Variants in ADAMTS9 observed in about 807,000 individuals in gnomAD.
ADAMTS9 encodes the protein A disintegrin and metalloproteinase with thrombospondin motifs 9.
A neutral mutation model predicts 257.1 loss-of-function variants in ADAMTS9; 107 were observed. The ratio of observed to expected loss-of-function variants is 0.42; its 90% CI spans 0.36 to 0.49. The LOEUF (loss-of-function observed/expected upper bound fraction) is 0.49, where lower values mean the gene tolerates loss of function less well. ADAMTS9 is among the 20% of genes least tolerant of loss of function. The pLI is 0.03. For missense variants in ADAMTS9, 2,353 were observed against 2,469.1 expected (o/e 0.95, Z 1.00); for synonymous variants, 982 against 880.9 (o/e 1.11, Z -2.03).
intron 8 of ADAMTS9, among the ~76,000 whole-genome samples, chr3:64,651,543 G>A (rs1379356678): frequency 1.3e-5 from 2 of 152,186 alleles, no homozygotes; most frequent in Non-Finnish European, 2.9e-5. Flanking sequence ...GAATTTGGCA[G>A]CTTATGATAA....
At chr3:64,590,699 T>C (rs1265063790) in intron 28 of ADAMTS9, among the ~76,000 whole-genome samples, 3 of 152,138 alleles carry the variant, frequency 2.0e-5, no homozygotes, top group African/African-American at 7.2e-5. Context: ...ATTCATAAGT[T>C]AGCCAGGCAG....
chr3:64,528,427 T>A (rs1004217236), intron 38 of ADAMTS9, among the ~76,000 whole-genome samples: 2 of 152,134 alleles, frequency 1.3e-5, no homozygotes, highest in African/African-American at 4.8e-5. Context: ...GCCTCCTTTC[T>A]GTCTGTCTGT....
intron 4 of ADAMTS9, among the ~76,000 whole-genome samples, chr3:64,658,049 A>T (rs1238714596): frequency 1.3e-5 from 2 of 152,156 alleles, no homozygotes; most frequent in African/African-American, 4.8e-5. Context: ...ATACTACTGA[A>T]TATCCACAAC....
In ADAMTS9 at chr3:64,522,275, A is replaced by G. The variant is rs765232311; in HGVS notation, c.5719-15T>C. On this transcript the variant is annotated splice_polypyrimidine_tract_variant and intron_variant, in intron 38 of 39. Coordinates refer to ENST00000498707, the MANE Select transcript of ADAMTS9 (RefSeq NM_182920.2). ...CGGGTACCATCCTGCAAGGAGATGC[A>G]TCATGTTAGCCTGCCTGCTTGGTTA... The G allele has an allele frequency of 6.2e-7, 1 of 1,612,520 alleles. No individual in the cohort carries two copies. Among genetic ancestry groups the G allele is most frequent in the South Asian group, 1.1e-5 (1 of 91,048 alleles).
In ADAMTS9 at chr3:64,578,019, C is replaced by T. The variant is rs113833507; in HGVS notation, c.4357-9484G>A. On this transcript the variant is annotated intron_variant, in intron 28 of 39. Transcript: ENST00000498707. ...TATCCTGAAAATTTTATAACATTTT[C>T]GGGAAGCAGCTTATGTAATTAATTT... Among the ~76,000 whole-genome samples, 338 of 152,248 alleles carry T rather than the reference C, an allele frequency of 2.2e-3. 1 individual carries two copies. Among genetic ancestry groups the T allele is most frequent in the Non-Finnish European group, 3.9e-3 (264 of 68,000 alleles).
chr3:64,614,703 G>T (rs1278646012), intron 21 of ADAMTS9, among the ~76,000 whole-genome samples: 1 of 151,966 alleles, frequency 6.6e-6, no homozygotes, highest in East Asian at 1.9e-4. Flanking sequence ...ATAAAAGCAA[G>T]AAAGAGGCTG....
At position 64,658,585 on chromosome 3, in the gene ADAMTS9, C is replaced by G; in HGVS notation, c.886G>C (p.Glu296Gln). ...CTGTTGTCTGCCACCACCAAGACTT[C>G]TACAAACCGTGGATAGGATAAAAAA... ...KRFLSYPRFV[E>Q]VLVVADNRMV... Residue 296 changes from glutamate to glutamine, a missense_variant, in exon 4 of 40, where the codon GAA (glutamate) becomes CAA (glutamine). By Grantham distance (29) the Glu-to-Gln change is conservative. Around this residue, in one of 3 missense-constraint regions of ADAMTS9, gnomAD observed 591 missense variants for 569.6 expected, o/e 1.04. Coordinates refer to ENST00000498707, the MANE Select transcript of ADAMTS9 (RefSeq NM_182920.2). 1 of 1,614,188 alleles carries G rather than the reference C, an allele frequency of 6.2e-7. No individual in the cohort carries two copies. Among genetic ancestry groups the G allele is most frequent in the Non-Finnish European group, 8.5e-7 (1 of 1,180,032 alleles).
At chr3:64,540,172 T>TC (rs1479476425) in intron 36 of ADAMTS9, among the ~76,000 whole-genome samples, 3 of 152,244 alleles carry the variant, frequency 2.0e-5, no homozygotes, top group Non-Finnish European at 4.4e-5. Context: ...TGGGGTGTTT[T>TC]CCTAAGTGGA....
In ADAMTS9 at chr3:64,594,323, G is replaced by A. The variant is rs1170794686; in HGVS notation, c.4291C>T (p.Arg1431Cys). ...SCEILDKPPD[R>C]EQCNTHACPH... is the part of the protein sequence containing the mutation. ...CAAGCATGTGTGTTACACTGCTCACGATCGGGAGGTTTATCAAGAATTTCA... is the reference window on the plus strand; with the variant it reads ...CAAGCATGTGTGTTACACTGCTCACAATCGGGAGGTTTATCAAGAATTTCA... The change falls in exon 28 of 40, where the codon CGT becomes TGT. Residue 1431 changes from arginine to cysteine, a missense_variant. Arg to Cys is a radical substitution (Grantham distance 180). This residue lies in a region of ADAMTS9 where 1,402 missense variants were observed against 1,441.4 expected (regional missense o/e 0.97). Coordinates refer to ENST00000498707, the MANE Select transcript of ADAMTS9 (RefSeq NM_182920.2). 5.0e-6 allele frequency: 8 copies of A among 1,612,532 alleles called. No homozygotes were observed. Among genetic ancestry groups the A allele is most frequent in the East Asian group, 4.5e-5 (2 of 44,782 alleles).
chr3:64,649,671 A>C lies in ADAMTS9; in HGVS notation c.1571T>G (p.Ile524Ser). The change falls in exon 10 of 40, where the codon ATT becomes AGT. Residue 524 changes from isoleucine to serine, a missense_variant. Ile to Ser is a moderately radical substitution (Grantham distance 142). This residue lies in a region of ADAMTS9 where 360 missense variants were observed against 458.1 expected (regional missense o/e 0.79). Coordinates refer to ENST00000498707, the MANE Select transcript of ADAMTS9 (RefSeq NM_182920.2). Reference protein sequence around the residue: ...LYNVNKQCELIFGPGSQVCPY... With the variant: ...LYNVNKQCELSFGPGSQVCPY... ...GCACACCTGAGAACCTGGTCCAAAA[A>C]TCAATTCACATTGTTTATTCACGTT... The C allele has an allele frequency of 1.9e-6, 3 of 1,613,974 alleles. No homozygotes were observed. Among genetic ancestry groups the C allele is most frequent in the Non-Finnish European group, 2.5e-6 (3 of 1,179,946 alleles).
chr3:64,623,052 G>A (rs1051002125), intron 16 of ADAMTS9, among the ~76,000 whole-genome samples: 1 of 152,132 alleles, frequency 6.6e-6, no homozygotes, highest in African/African-American at 2.4e-5. Context: ...TTGTTTGACA[G>A]ATGTTGAAAT....
At chr3:64,604,203 C>T (rs1370378205) in intron 24 of ADAMTS9, 24 bp downstream of exon 24, 38 of 1,606,268 alleles carry the variant, frequency 2.4e-5, no homozygotes, top group Non-Finnish European at 3.2e-5. Flanking sequence ...CTGCCCTCCC[C>T]ATTTCTCCCA....
chr3:64,546,673 A>C, intron 32 of ADAMTS9, 85 bp downstream of exon 32: 1 of 1,379,906 alleles, frequency 7.2e-7, no homozygotes, highest in Non-Finnish European at 9.8e-7. Flanking sequence ...TAGAGTTACT[A>C]AGGAGAGCGG....
chr3:64,633,874 T>C lies in ADAMTS9; in HGVS notation c.1862A>G (p.Lys621Arg), dbSNP rs145539254. 155 of 1,611,542 alleles carry C rather than the reference T, an allele frequency of 9.6e-5. No homozygotes were observed. The African/African-American group carries it at 2.0e-3, about 21-fold the overall frequency. The change falls in exon 13 of 40, where the codon AAA becomes AGA. Residue 621 changes from lysine to arginine, a missense_variant. By Grantham distance (26) the Lys-to-Arg change is conservative (BLOSUM62 2). Coordinates refer to ENST00000498707, the MANE Select transcript of ADAMTS9 (RefSeq NM_182920.2). Reference sequence around the variant, plus strand: ...TCCTACACAGTATTTTCCACCATTTTTTGGTCTGAAAAAGAAAAAATGTGA... The same window carrying C: ...TCCTACACAGTATTTTCCACCATTTCTTGGTCTGAAAAAGAAAAAATGTGA... Reference protein sequence around the residue: ...AIRECNRPEPKNGGKYCVGRR... With the variant: ...AIRECNRPEPRNGGKYCVGRR...
intron 30 of ADAMTS9, among the ~76,000 whole-genome samples, chr3:64,560,708 G>A (rs1475457618): frequency 1.3e-5 from 2 of 152,128 alleles, no homozygotes; most frequent in African/African-American, 4.8e-5. Context: ...AGTGCCAGGG[G>A]TACAGTCTAA....
chr3:64,638,953 G>T (rs891766440), intron 12 of ADAMTS9, among the ~76,000 whole-genome samples: 3 of 152,076 alleles, frequency 2.0e-5, no homozygotes, highest in Non-Finnish European at 4.4e-5. Context: ...CCATTATATT[G>T]TAAGGGCTCG....
chr3:64,677,138 G>A (rs1701641112), intron 3 of ADAMTS9, among the ~76,000 whole-genome samples: 1 of 152,176 alleles, frequency 6.6e-6, no homozygotes, highest in East Asian at 1.9e-4. Context: ...CCTTTTGCTT[G>A]TGCCCCTGGT....
At position 64,642,496 on chromosome 3, in the gene ADAMTS9, G is replaced by A. The variant is rs563465973; in HGVS notation, c.1711-503C>T. 6.7e-5 allele frequency among the ~76,000 whole-genome samples: 10 copies of A among 149,550 alleles called. No homozygotes were observed. The South Asian group carries it at 1.5e-3, about 22-fold the overall frequency. ...TCTTATAAACACACTCCAGGAAAGCGTCAGGATGAGACGAAAGCAAAACGG... is the reference window on the plus strand; with the variant it reads ...TCTTATAAACACACTCCAGGAAAGCATCAGGATGAGACGAAAGCAAAACGG... On this transcript the variant is annotated intron_variant, in intron 11 of 39. Coordinates refer to ENST00000498707, the MANE Select transcript of ADAMTS9 (RefSeq NM_182920.2).
chr3:64,560,568 C>G (rs2083403144), intron 30 of ADAMTS9, among the ~76,000 whole-genome samples: 1 of 152,088 alleles, frequency 6.6e-6, no homozygotes, highest in African/African-American at 2.4e-5. Flanking sequence ...GACACTTGGA[C>G]AAATGACACA....
Sources: gnomAD v4.1 joint callset for allele counts (sites outside exome capture counted in the v4.1 genomes callset) on GRCh38, gnomAD v4.1.1 for gene constraint, gnomAD v4.1.1 regional missense constraint, MANE v1.5 for transcripts, NCBI Gene and HGNC (gene_info 2026-07-23, HGNC 2026-07-21) for gene names.